Variants in MASP1 observed in about 807,000 individuals in gnomAD.
MASP1 encodes the protein MBL associated serine protease 1.
A neutral mutation model predicts 77.1 loss-of-function variants in MASP1; 59 were observed. The ratio of observed to expected loss-of-function variants is 0.77; its 90% CI spans 0.62 to 0.95. MASP1 has a LOEUF of 0.95. Ranked by LOEUF, MASP1 falls within the 40% of genes least tolerant of loss-of-function variation. The pLI is 0.00. For missense variants in MASP1, 885 were observed against 912.9 expected (o/e 0.97, Z 0.39); for synonymous variants, 362 against 354.5 (o/e 1.02, Z -0.24).
At chr3:187,274,587 CT>C (rs1189270539) in intron 2 of MASP1, among the ~76,000 whole-genome samples, 28 of 152,240 alleles carry the variant, frequency 1.8e-4, no homozygotes, top group African/African-American at 6.3e-4. Context: ...AGAGCCAGTA[CT>C]GGGGCCTAGG....
chr3:187,248,165 G>T (rs1714260078), intron 8 of MASP1, among the ~76,000 whole-genome samples: 1 of 152,158 alleles, frequency 6.6e-6, no homozygotes, highest in African/African-American at 2.4e-5. Flanking sequence ...GGGAGAATAG[G>T]GTCATATCAG....
exon 16 of MASP1, chr3:187,217,539 TC>T (rs1711837608): frequency 6.6e-6 from 1 of 152,230 alleles, no homozygotes; most frequent in South Asian, 2.1e-4. Flanking sequence ...AATCAGTGAT[TC>T]AAAAAGCAGC....
At chr3:187,250,360 A>C in intron 7 of MASP1, 31 bp from the exon 8 acceptor site, 1 of 1,530,736 alleles carries the variant, frequency 6.5e-7, no homozygotes, top group South Asian at 1.1e-5. Flanking sequence ...GGGAGTGGGA[A>C]GAAGGAGGTG....
intron 2 of MASP1, among the ~76,000 whole-genome samples, chr3:187,272,279 G>T (rs956723965): frequency 4.0e-5 from 6 of 151,542 alleles, no homozygotes; most frequent in African/African-American, 1.2e-4. Context: ...ATTGTGAATT[G>T]TTTTCAATTT....
chr3:187,236,950 A>C (rs1487471037), intron 10 of MASP1, among the ~76,000 whole-genome samples: 2 of 152,202 alleles, frequency 1.3e-5, no homozygotes, highest in Non-Finnish European at 2.9e-5. Flanking sequence ...TTATTTCAGA[A>C]GTGGTCCATG....
exon 14 of MASP1, chr3:187,223,161 T>G: frequency 6.2e-7 from 1 of 1,614,158 alleles, no homozygotes; most frequent in Non-Finnish European, 8.5e-7. Context: ...TTGCAAGAAC[T>G]GCTTCCCCCA....
At chr3:187,241,425 G>T in intron 10 of MASP1, 56 bp downstream of exon 10, 1 of 1,433,034 alleles carries the variant, frequency 7.0e-7, no homozygotes, top group Non-Finnish European at 9.9e-7. Flanking sequence ...GAAAACCTGG[G>T]GTCCTAGGGC....
chr3:187,260,274 C>A (rs1715448205), intron 4 of MASP1, among the ~76,000 whole-genome samples: 1 of 152,168 alleles, frequency 6.6e-6, no homozygotes. Context: ...GGGAAGTTTT[C>A]TGGCTGTTTC....
chr3:187,245,918 G>A (rs545841592), intron 8 of MASP1, among the ~76,000 whole-genome samples: 2 of 152,300 alleles, frequency 1.3e-5, no homozygotes, highest in South Asian at 2.1e-4. Flanking sequence ...TGTACTGGGG[G>A]GCTTTCTAGA....
chr3:187,286,034 G>A lies in MASP1; in HGVS notation c.28C>T (p.Leu10=). MRWLLLYYA[L]CFSLSKASAH... ...GAAGCCTTTGACAGGGAGAAGCACA[G>A]AGCATAATAGAGAAGCAGCCACCTG... Residue 10 remains leucine, a synonymous_variant, in exon 2 of 11, where the codon CTG becomes TTG. Transcript: ENST00000296280. 1.9e-6 allele frequency: 3 copies of A among 1,614,164 alleles called. No individual in the cohort carries two copies. In the South Asian group the frequency reaches 3.3e-5, roughly 18 times the overall value.
In MASP1 at chr3:187,234,242, G is replaced by A. The variant is rs780377443; in HGVS notation, c.*1442C>T. On this transcript the variant is annotated 3_prime_UTR_variant, in exon 11 of 11. Coordinates refer to ENST00000296280, the MANE Select transcript of MASP1 (RefSeq NM_139125.4). ...GACAAAGGAGTGTGTTTGATGAGCC[G>A]GTTGAGAAAGTGGACACTTCCCAAT... is the stretch of plus-strand genomic sequence containing the variant. The A allele has an allele frequency of 2.6e-5, 33 of 1,287,080 alleles. No individual in the cohort carries two copies. Among genetic ancestry groups the A allele is most frequent in the Admixed American group, 6.9e-5 (3 of 43,536 alleles). The allele number at this position is 1,287,080 out of a possible 1,614,324, so 79.7% of individuals were successfully genotyped here. A position where few individuals can be genotyped will look rare whatever the true frequency, so the allele number is the denominator to read the frequency against.
At chr3:187,271,388 T>C (rs1226349152) in intron 2 of MASP1, among the ~76,000 whole-genome samples, 1 of 152,220 alleles carries the variant, frequency 6.6e-6, no homozygotes, top group African/African-American at 2.4e-5. Flanking sequence ...GATATTAGAA[T>C]ATTAGAAATA....
In MASP1 at chr3:187,241,484, G is replaced by A. The variant is rs2108522066; in HGVS notation, c.1300C>T (p.Pro434Ser). Residue 434 changes from proline to serine, a missense_variant, in exon 10 of 11, where the codon CCA (proline) becomes TCA (serine). By Grantham distance (74) the Pro-to-Ser change is moderately conservative. Transcript: ENST00000296280. ...VLGRSLPTCL[P>S]ECGQPSRSLP... ...AAGGATTTGGAGGGTGAGGTACCTG[G>A]AAGGCAGGTGGGTAGGCTTCTCCCC... is the stretch of plus-strand genomic sequence containing the variant. 6.2e-7 allele frequency: 1 copy of A among 1,613,566 alleles called. No homozygotes were observed. Among genetic ancestry groups the A allele is most frequent in the East Asian group, 2.2e-5 (1 of 44,870 alleles).
downstream of MASP1, chr3:187,229,842 G>T (rs987353580): frequency 6.2e-7 from 1 of 1,614,126 alleles, no homozygotes; most frequent in South Asian, 1.1e-5. Flanking sequence ...TCTGGGCTGG[G>T]CGTCCATTGA....
At chr3:187,226,454 A>T (rs763615446) in exon 12 of MASP1, 17 of 1,613,142 alleles carry the variant, frequency 1.1e-5, no homozygotes, top group Non-Finnish European at 1.4e-5. Context: ...TGAATCACGT[A>T]GGGTCGGATC....
At chr3:187,254,600 T>G (rs1037284223) in intron 5 of MASP1, among the ~76,000 whole-genome samples, 2 of 152,142 alleles carry the variant, frequency 1.3e-5, no homozygotes, top group African/African-American at 4.8e-5. Flanking sequence ...CTAGCTTTTA[T>G]AAAGATCACC....
rs1457521391 is a variant in MASP1, at chr3:187,260,809, T to C, written c.479A>G (p.Tyr160Cys). ...ELSCDHYCHNYIGGYYCSCRF... is the reference protein window; with the variant it reads ...ELSCDHYCHNCIGGYYCSCRF... ...GCAGGAGCAGTAGTAGCCGCCAATGTAGTTGTGGCAGTAGTGGTCACAGGA... is the reference window on the plus strand; with the variant it reads ...GCAGGAGCAGTAGTAGCCGCCAATGCAGTTGTGGCAGTAGTGGTCACAGGA... The change falls in exon 4 of 11, where the codon TAC (tyrosine) becomes TGC (cysteine). Residue 160 changes from tyrosine (Y) to cysteine (C), a missense_variant. Tyr to Cys is a radical substitution (Grantham distance 194). Coordinates refer to ENST00000296280, the MANE Select transcript of MASP1 (RefSeq NM_139125.4). 1 of 1,614,150 alleles carries C rather than the reference T, an allele frequency of 6.2e-7. No homozygotes were observed. The highest frequency in any genetic ancestry group is 2.2e-5 in the East Asian group (1 of 44,890).
downstream of MASP1, among the ~76,000 whole-genome samples, chr3:187,230,376 G>A (rs1013162202): frequency 2.0e-5 from 3 of 152,208 alleles, no homozygotes; most frequent in African/African-American, 4.8e-5. Context: ...GGGACAAAGA[G>A]ACAGAGAGAT....
At chr3:187,241,819 C>T in intron 9 of MASP1, 1 of 398,400 alleles carries the variant, frequency 2.5e-6, no homozygotes, top group South Asian at 2.3e-5. Context: ...GGCTACCATC[C>T]TAGTCCTTCT....
Sources: allele counts gnomAD v4.1 joint callset (sites outside exome capture counted in the v4.1 genomes callset), GRCh38; gene constraint gnomAD v4.1.1; transcripts MANE v1.5; gene names NCBI Gene and HGNC (gene_info 2026-07-23, HGNC 2026-07-21).